Variants in AUH observed in about 807,000 individuals in gnomAD.
AUH encodes the protein methylglutaconyl-CoA hydratase, mitochondrial.
Under a neutral mutation model 42.3 loss-of-function variants are expected in AUH, and 29 were observed. The ratio of observed to expected loss-of-function variants is 0.69; its 90% confidence interval spans 0.51 to 0.93. The LOEUF (loss-of-function observed/expected upper bound fraction) is 0.93. Ranked by LOEUF, AUH falls within the 40% of genes least tolerant of loss-of-function variation. The pLI is 0.00. For missense variants in AUH, 452 were observed against 438.1 expected, an observed-to-expected ratio of 1.03 and a Z score of -0.28; for synonymous variants, 174 against 166.4, an observed-to-expected ratio of 1.05 and a Z score of -0.35.
intron 4 of AUH, among the ~76,000 whole-genome samples, chr9:91,313,860 T>C (rs931653193): frequency 8.1e-5 from 12 of 148,272 alleles, no homozygotes; most frequent in Non-Finnish European, 7.4e-5. Flanking sequence ...TTCACTCTTG[T>C]CGCCCAGGCT....
chr9:91,268,421 C>T (rs1388446835), intron 6 of AUH, among the ~76,000 whole-genome samples: 2 of 151,264 alleles, frequency 1.3e-5, no homozygotes, highest in Admixed American at 1.3e-4. Context: ...AAAAACATAA[C>T]ACTTCCTAGA....
At chr9:91,359,011 A>T (rs1376593473) in intron 1 of AUH, among the ~76,000 whole-genome samples, 1 of 152,196 alleles carries the variant, frequency 6.6e-6, no homozygotes, top group East Asian at 1.9e-4. Flanking sequence ...CTCCTCACAT[A>T]ACCTAGAAAG....
chr9:91,263,581 T>TCCA (rs1301056974), intron 6 of AUH, among the ~76,000 whole-genome samples: 17 of 152,316 alleles, frequency 1.1e-4, no homozygotes, highest in Admixed American at 1.0e-3. Context: ...TAGGAAATAT[T>TCCA]TTAAGTGTTT....
intron 6 of AUH, among the ~76,000 whole-genome samples, chr9:91,281,706 C>T (rs1239857017): frequency 5.3e-5 from 8 of 152,156 alleles, no homozygotes; most frequent in South Asian, 2.1e-4. Context: ...TTCTTTACAT[C>T]GGTTTCTTTT....
At chr9:91,324,533 A>T (rs1705271) in intron 4 of AUH, among the ~76,000 whole-genome samples, 1 of 149,662 alleles carries the variant, frequency 6.7e-6, no homozygotes, top group Non-Finnish European at 1.5e-5. Flanking sequence ...AAAAAAAAAA[A>T]AACTAAAACC....
chr9:91,353,591 C>T (rs1399820001), intron 3 of AUH, among the ~76,000 whole-genome samples: 3 of 151,824 alleles, frequency 2.0e-5, no homozygotes. Context: ...AAAAGACAGA[C>T]CTCTTTGGGA....
Position 91,325,349 on chromosome 9 carries a change from G to A in AUH, c.474C>T (p.Val158=), listed in dbSNP as rs1564102987. The change falls in exon 4 of 10, where the codon GTC becomes GTT. Residue 158 remains valine, a synonymous_variant. Transcript: ENST00000375731. ...CGTTAATCACTGCTCTTATTTTGGA[G>A]ACAAAAGGACCAACTTCACTGGAAC... is the stretch of plus-strand genomic sequence containing the variant. ...KMSSSEVGPF[V]SKIRAVINDI... 3 of 1,613,840 alleles carry A rather than the reference G, an allele frequency of 1.9e-6. No homozygotes were observed. Among genetic ancestry groups the A allele is most frequent in the Non-Finnish European group, 2.5e-6 (3 of 1,179,860 alleles).
At chr9:91,259,079 T>G (rs986807302) in intron 6 of AUH, among the ~76,000 whole-genome samples, 1 of 152,190 alleles carries the variant, frequency 6.6e-6, no homozygotes, top group African/African-American at 2.4e-5. Context: ...TCTGAAACAG[T>G]TGGAGTAGAA....
intron 6 of AUH, among the ~76,000 whole-genome samples, chr9:91,292,791 C>T (rs558759497): frequency 1.3e-5 from 2 of 152,262 alleles, no homozygotes; most frequent in African/African-American, 4.8e-5. Flanking sequence ...ATAGGGCATA[C>T]AGGCATACCT....
rs1044206550 is a variant in AUH, at chr9:91,283,324, A to T, written c.655+12697T>A. On this transcript the variant is annotated intron_variant, in intron 6 of 9. Coordinates refer to ENST00000375731, the MANE Select transcript of AUH (RefSeq NM_001698.3). ...ATGGGACGTATCTCAAAATAATAAGAGCTATTTATGACAAACCCACAGCCA... is the reference window on the plus strand; with the variant it reads ...ATGGGACGTATCTCAAAATAATAAGTGCTATTTATGACAAACCCACAGCCA... Among the ~76,000 whole-genome samples, 378 of 152,276 alleles carry T rather than the reference A, an allele frequency of 2.5e-3. 1 individual carries two copies. Among genetic ancestry groups the T allele is most frequent in the Non-Finnish European group, 3.8e-3 (256 of 68,032 alleles).
intron 3 of AUH, among the ~76,000 whole-genome samples, chr9:91,340,859 T>C (rs1373449390): frequency 6.6e-6 from 1 of 152,156 alleles, no homozygotes; most frequent in African/African-American, 2.4e-5. Flanking sequence ...GCACCCAGCT[T>C]TTACATCTTT....
At chr9:91,341,908 C>T (rs1012202067) in intron 3 of AUH, among the ~76,000 whole-genome samples, 3 of 152,150 alleles carry the variant, frequency 2.0e-5, no homozygotes, top group African/African-American at 7.2e-5. Context: ...GACATTAGAG[C>T]AGAGGCCTTT....
At chr9:91,215,927 T>C (rs1826793508) in intron 9 of AUH, 132 bp downstream of exon 9, 6 of 928,620 alleles carry the variant, frequency 6.5e-6, no homozygotes, top group African/African-American at 1.6e-5. Flanking sequence ...AAACAACTAA[T>C]TTCAACCCAT....
chr9:91,252,134 T>C (rs1829163628), intron 6 of AUH, among the ~76,000 whole-genome samples: 1 of 152,000 alleles, frequency 6.6e-6, no homozygotes, highest in African/African-American at 2.4e-5. Flanking sequence ...GCCCAGCTAA[T>C]TTTCGTATTT....
At chr9:91,332,825 TGGG>T (rs905436482) in intron 3 of AUH, among the ~76,000 whole-genome samples, 7 of 152,126 alleles carry the variant, frequency 4.6e-5, no homozygotes, top group Non-Finnish European at 1.0e-4. Flanking sequence ...GTACAAAAAA[TGGG>T]GGCGTGAGCA....
At chr9:91,313,728 A>G (rs995472098) in intron 4 of AUH, among the ~76,000 whole-genome samples, 1 of 151,136 alleles carries the variant, frequency 6.6e-6, no homozygotes, top group Non-Finnish European at 1.5e-5. Context: ...AAAAAAAAAA[A>G]AAAGAAAATG....
intron 8 of AUH, among the ~76,000 whole-genome samples, chr9:91,216,783 T>G (rs1826845497): frequency 6.6e-6 from 1 of 152,164 alleles, no homozygotes; most frequent in African/African-American, 2.4e-5. Flanking sequence ...GGGCCTTCAC[T>G]CTTTTGGAGT....
intron 6 of AUH, among the ~76,000 whole-genome samples, chr9:91,222,341 C>G (rs540690843): frequency 6.6e-6 from 1 of 152,036 alleles, no homozygotes; most frequent in African/African-American, 2.4e-5. Flanking sequence ...TGTTAAGAAC[C>G]GTAATTAATA....
chr9:91,283,849 A>G (rs1169022174), intron 6 of AUH, among the ~76,000 whole-genome samples: 3 of 152,166 alleles, frequency 2.0e-5, no homozygotes, highest in Non-Finnish European at 2.9e-5. Flanking sequence ...ATGCTCATAG[A>G]TAGGAAGAAT....
Sources: gnomAD v4.1 joint callset for allele counts (sites outside exome capture counted in the v4.1 genomes callset) on GRCh38, gnomAD v4.1.1 for gene constraint, MANE v1.5 for transcripts, NCBI Gene and HGNC (gene_info 2026-07-23, HGNC 2026-07-21) for gene names.